ADK: variants seen among roughly 807,000 people sequenced by gnomAD.
ADK encodes the protein N6,N6-dimethyladenosine kinase.
A neutral mutation model predicts 44.7 loss-of-function variants in ADK; 24 were observed. The ratio of observed to expected loss-of-function variants is 0.54; its 90% confidence interval spans 0.39 to 0.76. The LOEUF is 0.76. Among genes scored for constraint, ADK ranks in the 30% least tolerant of loss-of-function variants. The pLI, the probability that ADK is intolerant of heterozygous loss-of-function variation, is 0.00. For missense variants in ADK, 321 were observed against 425.1 expected (o/e 0.76, Z 2.15); for synonymous variants, 128 against 142.6 (o/e 0.90, Z 0.73).
intron 9 of ADK, among the ~76,000 whole-genome samples, chr10:74,601,400 T>C (rs1173469995): frequency 1.3e-5 from 2 of 152,170 alleles, no homozygotes; most frequent in African/African-American, 4.8e-5. Flanking sequence ...AAATAAATTT[T>C]ATTCTTTATA....
At chr10:74,432,534 G>A (rs1323380431) in intron 6 of ADK, among the ~76,000 whole-genome samples, 2 of 152,086 alleles carry the variant, frequency 1.3e-5, no homozygotes, top group South Asian at 2.1e-4. Flanking sequence ...ATTTATTGCT[G>A]AAGTGAACCC....
chr10:74,446,902 T>TG (rs1211551738), intron 6 of ADK, among the ~76,000 whole-genome samples: 2 of 152,092 alleles, frequency 1.3e-5, no homozygotes, highest in African/African-American at 4.8e-5. Flanking sequence ...TAGGAGGCTT[T>TG]GGGGGGTTGT....
At chr10:74,594,429 A>C (rs996933384) in intron 8 of ADK, among the ~76,000 whole-genome samples, 1 of 152,214 alleles carries the variant, frequency 6.6e-6, no homozygotes, top group Non-Finnish European at 1.5e-5. Flanking sequence ...GCTACATCTG[A>C]AAATACCTAT....
At chr10:74,176,951 C>T in intron 1 of ADK, 1 of 1,596,578 alleles carries the variant, frequency 6.3e-7, no homozygotes, top group South Asian at 1.1e-5. Context: ...CGCGTGAGCA[C>T]TGTCGCTCCT....
At chr10:74,345,188 CCTTT>C (rs1416303917) in intron 4 of ADK, among the ~76,000 whole-genome samples, 4 of 152,122 alleles carry the variant, frequency 2.6e-5, no homozygotes, top group East Asian at 1.9e-4. Context: ...GTCATTTGTG[CCTTT>C]CTAAGTATTT....
At chr10:74,406,528 AGAAGAAGAAGAAGAAG>A (rs1435999367) in intron 6 of ADK, among the ~76,000 whole-genome samples, 17 of 18,434 alleles carry the variant, frequency 9.2e-4, no homozygotes, top group Non-Finnish European at 2.0e-3. Flanking sequence ...AATAATAATA[AGAAGAAGAAGAAGAAG>A]AAGAAGAAGA....
intron 6 of ADK, among the ~76,000 whole-genome samples, chr10:74,398,829 A>T (rs1051474053): frequency 4.6e-5 from 7 of 152,080 alleles, no homozygotes; most frequent in African/African-American, 1.2e-4. Flanking sequence ...GTGCTTGCCA[A>T]CCAAGCGCAG....
chr10:74,393,309 A>G (rs1037435176), intron 4 of ADK, among the ~76,000 whole-genome samples: 4 of 152,194 alleles, frequency 2.6e-5, no homozygotes, highest in African/African-American at 7.2e-5. Context: ...TAGAATCACT[A>G]TAGAATATTA....
intron 8 of ADK, among the ~76,000 whole-genome samples, chr10:74,594,896 G>A (rs574204851): frequency 6.6e-6 from 1 of 152,008 alleles, no homozygotes; most frequent in Non-Finnish European, 1.5e-5. Context: ...CTATATGGCC[G>A]GGTGTGGTGG....
chr10:74,226,717 G>T (rs993574606), intron 3 of ADK, among the ~76,000 whole-genome samples: 3 of 151,438 alleles, frequency 2.0e-5, no homozygotes, highest in Non-Finnish European at 4.4e-5. Context: ...TTTGTATAAG[G>T]CTTCTGTCAC....
chr10:74,367,021 C>T (rs544696588), intron 4 of ADK, among the ~76,000 whole-genome samples: 5 of 152,286 alleles, frequency 3.3e-5, no homozygotes, highest in East Asian at 3.9e-4. Flanking sequence ...TTTTAAGAAG[C>T]GCTCTAAATT....
At chr10:74,651,249 A>G (rs1564836729) in intron 9 of ADK, among the ~76,000 whole-genome samples, 1 of 152,066 alleles carries the variant, frequency 6.6e-6, no homozygotes, top group Non-Finnish European at 1.5e-5. Flanking sequence ...ATTCTTCTTA[A>G]TCTAATAGGC....
At chr10:74,542,734 A>G (rs968164031) in intron 7 of ADK, among the ~76,000 whole-genome samples, 1 of 152,072 alleles carries the variant, frequency 6.6e-6, no homozygotes, top group Admixed American at 6.6e-5. Context: ...TAGCAGCTAA[A>G]TGCATATTTT....
chr10:74,685,053 A>G (rs1020374786), intron 10 of ADK, among the ~76,000 whole-genome samples: 1 of 152,226 alleles, frequency 6.6e-6, no homozygotes, highest in African/African-American at 2.4e-5. Context: ...AGCTTCATGA[A>G]AAGCATTCAT....
Position 74,658,762 on chromosome 10 carries a change from T to C in ADK, c.878-11421T>C, listed in dbSNP as rs562929756. ...GTTCTTCAGATAAGAGAGTGCAGCATGTAACATTTAAAGAAGTAGAGACCA... is the reference window on the plus strand; with the variant it reads ...GTTCTTCAGATAAGAGAGTGCAGCACGTAACATTTAAAGAAGTAGAGACCA... On this transcript the variant is annotated intron_variant, in intron 9 of 10. Coordinates refer to ENST00000539909, the MANE Select transcript of ADK (RefSeq NM_006721.4). Among the ~76,000 whole-genome samples, 7 of 152,206 alleles carry C rather than the reference T, an allele frequency of 4.6e-5. No homozygotes were observed. In the East Asian group the frequency reaches 1.4e-3, roughly 29 times the overall value.
chr10:74,300,380 C>T (rs1245013943), intron 3 of ADK, among the ~76,000 whole-genome samples: 2 of 136,798 alleles, frequency 1.5e-5, no homozygotes, highest in Admixed American at 7.9e-5. Flanking sequence ...TCTTCTTTGT[C>T]TCTTTTCTCT....
intron 1 of ADK, among the ~76,000 whole-genome samples, chr10:74,169,765 T>C (rs1483189507): frequency 6.6e-6 from 1 of 152,200 alleles, no homozygotes; most frequent in Non-Finnish European, 1.5e-5. Flanking sequence ...TTGTCCATAA[T>C]GAAAGCTAAC....
chr10:74,374,921 A>G (rs1842772307), intron 4 of ADK, among the ~76,000 whole-genome samples: 1 of 152,120 alleles, frequency 6.6e-6, no homozygotes, highest in Non-Finnish European at 1.5e-5. Context: ...TACCTTTATT[A>G]TAACACTCCT....
chr10:74,696,401 T>C (rs1856208304), intron 10 of ADK, among the ~76,000 whole-genome samples: 1 of 151,986 alleles, frequency 6.6e-6, no homozygotes, highest in Non-Finnish European at 1.5e-5. Context: ...GAACTCGTTC[T>C]GTCACCCAGG....
Sources: gnomAD v4.1 joint callset for allele counts (sites outside exome capture counted in the v4.1 genomes callset) on GRCh38, gnomAD v4.1.1 for gene constraint, MANE v1.5 for transcripts, NCBI Gene and HGNC (gene_info 2026-07-23, HGNC 2026-07-21) for gene names.